PCLO: variants seen among roughly 807,000 people sequenced by gnomAD.
The protein encoded by PCLO is piccolo presynaptic cytomatrix protein.
A neutral mutation model predicts 427.5 loss-of-function variants in PCLO; 82 were observed. The observed-to-expected ratio is 0.19, with a 90% CI of 0.16 to 0.23. PCLO has a LOEUF of 0.23. Among genes scored for constraint, PCLO ranks in the 10% least tolerant of loss-of-function variants. The probability of loss-of-function intolerance (pLI) is 1.00; values close to 1 mark genes in which losing one functional copy is unlikely to be tolerated. For synonymous variants in PCLO, 2,357 were observed against 2,155.4 expected (o/e 1.09, Z -2.59); for missense variants, 6,239 against 6,115.9 (o/e 1.02, Z -0.67).
intron 3 of PCLO, among the ~76,000 whole-genome samples, chr7:83,121,854 CAAAAT>C (rs71522647): frequency 0.29 from 43,671 of 151,672 alleles, 7,152 homozygotes; most frequent in East Asian, 0.54. Context: ...GACACAACAA[CAAAAT>C]AAAACTATAG....
intron 3 of PCLO, among the ~76,000 whole-genome samples, chr7:82,971,599 GAT>G (rs921145144): frequency 6.8e-6 from 1 of 146,658 alleles, no homozygotes; most frequent in African/African-American, 2.5e-5. Context: ...TAATATATAT[GAT>G]ATGATATATG....
intron 22 of PCLO, among the ~76,000 whole-genome samples, chr7:82,783,563 A>G (rs1462141160): frequency 6.6e-6 from 1 of 152,182 alleles, no homozygotes; most frequent in Non-Finnish European, 1.5e-5. Flanking sequence ...CGGAGCTTGC[A>G]GTGAGCTGAG....
At chr7:83,075,832 A>C (rs1443685496) in intron 3 of PCLO, among the ~76,000 whole-genome samples, 1 of 152,162 alleles carries the variant, frequency 6.6e-6, no homozygotes, top group Non-Finnish European at 1.5e-5. Context: ...TTCTAAACAC[A>C]TGTAATATGT....
chr7:82,876,455 T>TACACACACACAC (rs35270740), intron 10 of PCLO, among the ~76,000 whole-genome samples: 5,670 of 143,132 alleles, frequency 0.04, 401 homozygotes, highest in African/African-American at 0.14. Flanking sequence ...AAAACAAGTA[T>TACACACACACAC]ACACACACAC....
Position 83,155,820 on chromosome 7 carries a change from A to T in PCLO, c.821T>A (p.Leu274His), listed in dbSNP as rs1792279733. 1.2e-6 allele frequency: 2 copies of T among 1,613,894 alleles called. No individual in the cohort carries two copies. The highest frequency in any genetic ancestry group is 1.7e-6 in the Non-Finnish European group (2 of 1,179,866). ...TPQTDHAKLP[L>H]QRDASRPQTK... is the part of the protein sequence containing the mutation. ...CTGAGGCCTGGATGCATCTCGTTGA[A>T]GTGGCAATTTTGCATGGTCTGTCTG... The change falls in exon 2 of 25, where the codon CTT (leucine) becomes CAT (histidine). Residue 274 changes from leucine to histidine, a missense_variant. This residue lies in a region of PCLO where 4,677 missense variants were observed against 4,468.4 expected (regional missense o/e 1.05). Transcript: ENST00000333891.
chr7:83,012,706 C>T (rs947666577), intron 3 of PCLO, among the ~76,000 whole-genome samples: 8 of 150,088 alleles, frequency 5.3e-5, no homozygotes, highest in African/African-American at 1.7e-4. Flanking sequence ...AATCAATTAA[C>T]CTCTTTATAA....
chr7:83,059,960 A>G (rs1789503505), intron 3 of PCLO, among the ~76,000 whole-genome samples: 1 of 152,142 alleles, frequency 6.6e-6, no homozygotes. Context: ...CACTGAGGAG[A>G]AACAAAAACA....
At chr7:83,146,508 A>C (rs2116655266) in intron 2 of PCLO, among the ~76,000 whole-genome samples, 1 of 152,320 alleles carries the variant, frequency 6.6e-6, no homozygotes, top group Non-Finnish European at 1.5e-5. Context: ...GAAATAGGGG[A>C]AACTGTTAGA....
At position 83,086,736 on chromosome 7, in the gene PCLO, A is replaced by G. The variant is rs73170027; in HGVS notation, c.3300+47514T>C. On this transcript the variant is annotated intron_variant, in intron 3 of 24. Transcript: ENST00000333891. ...ATAATTCTGAAAAAGAAATCAACAG[A>G]GATACATAGTAGCTACATGTTCAAG... 7.0e-3 allele frequency among the ~76,000 whole-genome samples: 1,064 copies of G among 152,288 alleles called. 8 individuals carry two copies. The highest frequency in any genetic ancestry group is 0.012 in the Non-Finnish European group (797 of 68,024).
intron 3 of PCLO, among the ~76,000 whole-genome samples, chr7:83,094,654 T>C (rs1258092624): frequency 6.6e-6 from 1 of 152,200 alleles, no homozygotes; most frequent in Non-Finnish European, 1.5e-5. Context: ...ATCTGGCTTA[T>C]TTCCAGTTTG....
chr7:83,101,067 A>G (rs1790724923), intron 3 of PCLO, among the ~76,000 whole-genome samples: 1 of 151,956 alleles, frequency 6.6e-6, no homozygotes, highest in Non-Finnish European at 1.5e-5. Flanking sequence ...GTTACCTTTC[A>G]AGGTCCTTTA....
intron 3 of PCLO, among the ~76,000 whole-genome samples, chr7:83,073,358 T>C (rs1378328368): frequency 2.0e-5 from 3 of 152,190 alleles, no homozygotes; most frequent in African/African-American, 4.8e-5. Context: ...GAAAACCTTA[T>C]TGAGTACATT....
intron 3 of PCLO, among the ~76,000 whole-genome samples, chr7:83,058,101 C>G (rs1486414093): frequency 2.6e-5 from 4 of 152,132 alleles, no homozygotes; most frequent in Non-Finnish European, 5.9e-5. Context: ...ATTTAAGGCT[C>G]AGGCCTATTT....
At chr7:83,101,134 C>A (rs1046483735) in intron 3 of PCLO, among the ~76,000 whole-genome samples, 7 of 151,714 alleles carry the variant, frequency 4.6e-5, no homozygotes, top group African/African-American at 1.7e-4. Context: ...CATAATAGCT[C>A]CTCTTATTTC....
Position 82,838,303 on chromosome 7 carries a change from T to A in PCLO, c.14137A>T (p.Ile4713Phe). Residue 4713 changes from isoleucine (I) to phenylalanine (F), a missense_variant, in exon 15 of 25, where the codon ATT (isoleucine) becomes TTT (phenylalanine). Around this residue, in one of 5 missense-constraint regions of PCLO, gnomAD observed 877 missense variants for 925.5 expected, o/e 0.95. Transcript: ENST00000333891. ...GGAACAAGATTTCTTGCTTGGAGAATATGTATTATGAGATTTCCAAGATCA... is the reference window on the plus strand; with the variant it reads ...GGAACAAGATTTCTTGCTTGGAGAAAATGTATTATGAGATTTCCAAGATCA... ...NYDLGNLIIH[I>F]LQARNLVPRD... The A allele has an allele frequency of 6.5e-7, 1 of 1,541,484 alleles. No individual in the cohort carries two copies. The highest frequency in any genetic ancestry group is 8.9e-7 in the Non-Finnish European group (1 of 1,123,868).
chr7:82,785,502 A>C (rs943592983), intron 22 of PCLO, among the ~76,000 whole-genome samples: 1 of 152,192 alleles, frequency 6.6e-6, no homozygotes, highest in Admixed American at 6.5e-5. Flanking sequence ...AAATTATTCT[A>C]TATATTTCTA....
intron 10 of PCLO, among the ~76,000 whole-genome samples, chr7:82,873,156 C>T (rs1044241922): frequency 6.8e-6 from 1 of 147,466 alleles, no homozygotes; most frequent in Non-Finnish European, 1.5e-5. Context: ...AGGTACATGG[C>T]TGTTTGCTAT....
chr7:82,861,607 A>C (rs994676193), intron 10 of PCLO, among the ~76,000 whole-genome samples: 1 of 151,592 alleles, frequency 6.6e-6, no homozygotes, highest in African/African-American at 2.4e-5. Context: ...CATGAGACTT[A>C]ATCTACACTA....
intron 2 of PCLO, among the ~76,000 whole-genome samples, chr7:83,148,542 T>G (rs1351837017): frequency 6.6e-6 from 1 of 152,190 alleles, no homozygotes; most frequent in Non-Finnish European, 1.5e-5. Flanking sequence ...TTTAACTCTA[T>G]GCAATCTGGG....
Sources: allele counts gnomAD v4.1 joint callset (sites outside exome capture counted in the v4.1 genomes callset), GRCh38; gene constraint gnomAD v4.1.1; regional missense constraint gnomAD v4.1.1; transcripts MANE v1.5; gene names NCBI Gene and HGNC (gene_info 2026-07-23, HGNC 2026-07-21).